DCDC1: variants seen among roughly 807,000 people sequenced by gnomAD.
DCDC1 encodes the protein doublecortin domain-containing protein 1.
DCDC1 carries 200 observed loss-of-function variants against 178.3 expected under a neutral mutation model. The observed-to-expected ratio is 1.12, with a 90% CI of 1.00 to 1.26. The LOEUF (loss-of-function observed/expected upper bound fraction) is 1.26, where lower values mean the gene tolerates loss of function less well. Ranked by LOEUF, DCDC1 falls within the 50% of genes most tolerant of loss-of-function variation. The pLI is 0.00. For missense variants in DCDC1, 1,983 were observed against 1,749.2 expected, an observed-to-expected ratio of 1.13 and a Z score of -2.38; for synonymous variants, 690 against 604.8, an observed-to-expected ratio of 1.14 and a Z score of -2.07.
intron 20 of DCDC1, among the ~76,000 whole-genome samples, chr11:31,028,837 A>C (rs1475036212): frequency 6.6e-6 from 1 of 152,022 alleles, no homozygotes; most frequent in Non-Finnish European, 1.5e-5. Context: ...TAAATCTAAA[A>C]CTGTGGCAAA....
At chr11:31,257,563 T>C (rs1261237745) in intron 8 of DCDC1, among the ~76,000 whole-genome samples, 3 of 152,042 alleles carry the variant, frequency 2.0e-5, no homozygotes, top group Non-Finnish European at 4.4e-5. Context: ...ATTATTATGA[T>C]CAGAATAGAA....
chr11:31,049,855 C>T (rs1401845659), intron 20 of DCDC1, among the ~76,000 whole-genome samples: 1 of 152,180 alleles, frequency 6.6e-6, no homozygotes, highest in Non-Finnish European at 1.5e-5. Context: ...GCCCTGGGAG[C>T]TTGCTGGCTC....
At chr11:31,282,578 A>C in intron 7 of DCDC1, among the ~76,000 whole-genome samples, 1 of 152,108 alleles carries the variant, frequency 6.6e-6, no homozygotes, top group South Asian at 2.1e-4. Flanking sequence ...ACTTAAAATA[A>C]TTTTAATCCT....
intron 9 of DCDC1, among the ~76,000 whole-genome samples, chr11:31,236,387 T>C (rs1231765046): frequency 1.3e-5 from 2 of 152,174 alleles, no homozygotes; most frequent in East Asian, 3.9e-4. Flanking sequence ...AGCATTTTAT[T>C]GATTGCTCAG....
intron 15 of DCDC1, among the ~76,000 whole-genome samples, chr11:31,097,598 G>C (rs1029530317): frequency 6.6e-6 from 1 of 152,110 alleles, no homozygotes; most frequent in Admixed American, 6.6e-5. Flanking sequence ...CCAAGAAATG[G>C]AAAGAGTTGA....
At chr11:31,313,113 G>A (rs1202130239) in intron 3 of DCDC1, among the ~76,000 whole-genome samples, 1 of 151,906 alleles carries the variant, frequency 6.6e-6, no homozygotes, top group African/African-American at 2.4e-5. Flanking sequence ...TAATATATTT[G>A]CTATTTGTTT....
chr11:31,260,037 A>G (rs1944678186), intron 8 of DCDC1, among the ~76,000 whole-genome samples: 2 of 152,108 alleles, frequency 1.3e-5, no homozygotes. Flanking sequence ...GCATATGAAA[A>G]TGTTGGTGTA....
chr11:30,904,856 G>A, intron 31 of DCDC1, 105 bp downstream of exon 31: 1 of 1,323,740 alleles, frequency 7.6e-7, no homozygotes. Context: ...TGGTGAATCT[G>A]GCCAGGGACA....
At chr11:31,077,443 A>G (rs936034387) in intron 18 of DCDC1, among the ~76,000 whole-genome samples, 1 of 152,192 alleles carries the variant, frequency 6.6e-6, no homozygotes, top group African/African-American at 2.4e-5. Context: ...ATTGCTATTA[A>G]CATTTTATTA....
chr11:31,347,173 C>T (rs1336945190), intron 1 of DCDC1, among the ~76,000 whole-genome samples: 1 of 152,176 alleles, frequency 6.6e-6, no homozygotes, highest in Non-Finnish European at 1.5e-5. Flanking sequence ...GACAAACAAC[C>T]TCCTTATCTT....
At chr11:31,212,975 C>T (rs71487989) in intron 9 of DCDC1, among the ~76,000 whole-genome samples, 2,222 of 152,010 alleles carry the variant, frequency 0.015, 32 homozygotes, top group Non-Finnish European at 0.025. Flanking sequence ...CTCCTGGATG[C>T]CTCTGCCCTC....
chr11:31,268,076 A>C (rs943180640), intron 7 of DCDC1, among the ~76,000 whole-genome samples: 2 of 152,224 alleles, frequency 1.3e-5, no homozygotes, highest in South Asian at 4.1e-4. Context: ...TCTCCTCTTT[A>C]CAACCCCACA....
At chr11:31,092,579 C>T (rs1322395275) in intron 16 of DCDC1, among the ~76,000 whole-genome samples, 5 of 152,162 alleles carry the variant, frequency 3.3e-5, no homozygotes, top group Admixed American at 6.5e-5. Context: ...CAATGTCACA[C>T]AAGAGATTTC....
In DCDC1 at chr11:31,079,389, C is replaced by T. The variant is rs149710485; in HGVS notation, c.2238-1464G>A. 7.2e-3 allele frequency among the ~76,000 whole-genome samples: 1,098 copies of T among 152,278 alleles called. 10 individuals are homozygous for T. Among genetic ancestry groups the T allele is most frequent in the Non-Finnish European group, 0.01 (684 of 68,028 alleles). On this transcript the variant is annotated intron_variant, in intron 17 of 38. Coordinates refer to ENST00000684477, the MANE Select transcript of DCDC1 (RefSeq NM_001387274.1). ...CTTCATCTGACTGTTCATGTGTATC[C>T]TTTATCATATCCTTCATAATAAACT...
intron 20 of DCDC1, among the ~76,000 whole-genome samples, chr11:31,015,218 GATTAC>G (rs1028522364): frequency 3.9e-5 from 6 of 152,140 alleles, no homozygotes; most frequent in African/African-American, 1.2e-4. Context: ...AAAGTGCTGG[GATTAC>G]AGGCTTCAGC....
Position 30,915,595 on chromosome 11 carries a change from T to C in DCDC1, c.3569A>G (p.Asn1190Ser), listed in dbSNP as rs768394596. 1.1e-5 allele frequency: 17 copies of C among 1,613,816 alleles called. No homozygotes were observed. Among genetic ancestry groups the C allele is most frequent in the Middle Eastern group, 1.6e-4 (1 of 6,084 alleles). Residue 1190 changes from asparagine to serine, a missense_variant, in exon 27 of 39, where the codon AAT becomes AGT. Coordinates refer to ENST00000684477, the MANE Select transcript of DCDC1 (RefSeq NM_001387274.1). ...AACCACCTCCATGCCTGATCGGAGA[T>C]TGGGACCTTGAACCCCCAAGACTAG... ...PQLVLGVQGP[N>S]LRSGMEVVLV...
Position 30,920,860 on chromosome 11 carries a change from C to G in DCDC1, c.3209G>C (p.Gly1070Ala), listed in dbSNP as rs761557038. 57 of 1,613,436 alleles carry G rather than the reference C, an allele frequency of 3.5e-5. No individual in the cohort carries two copies. Among genetic ancestry groups the G allele is most frequent in the Non-Finnish European group, 4.6e-5 (54 of 1,179,736 alleles). The change falls in exon 25 of 39, where the codon GGA (glycine) becomes GCA (alanine). Residue 1070 changes from glycine (G) to alanine (A), a missense_variant. Gly to Ala is a moderately conservative substitution (Grantham distance 60). Transcript: ENST00000684477. Reference sequence around the variant, plus strand: ...CGGTTCTGTAACTTGCTTCTCTTCTCCAAAAATTGCTACAGGTTTATGCAC... The same window carrying G: ...CGGTTCTGTAACTTGCTTCTCTTCTGCAAAAATTGCTACAGGTTTATGCAC... Reference protein sequence around the residue: ...LAVHKPVAIFGEEKQVTEPEE... With the variant: ...LAVHKPVAIFAEEKQVTEPEE...
chr11:31,207,601 TC>T (rs1191242270), intron 9 of DCDC1, among the ~76,000 whole-genome samples: 5 of 152,188 alleles, frequency 3.3e-5, no homozygotes, highest in African/African-American at 1.2e-4. Flanking sequence ...ATATAATGGA[TC>T]TTTTGCAATA....
At chr11:31,006,988 T>G (rs1352838870) in intron 20 of DCDC1, among the ~76,000 whole-genome samples, 1 of 152,242 alleles carries the variant, frequency 6.6e-6, no homozygotes, top group African/African-American at 2.4e-5. Context: ...TATTGTTAAA[T>G]ATTTCTCCTC....
Sources: gnomAD v4.1 joint callset for allele counts (sites outside exome capture counted in the v4.1 genomes callset) on GRCh38, gnomAD v4.1.1 for gene constraint, MANE v1.5 for transcripts, NCBI Gene and HGNC (gene_info 2026-07-23, HGNC 2026-07-21) for gene names.